Variants in TRIM24 observed in about 807,000 individuals in gnomAD.
TRIM24 encodes the protein transcription intermediary factor 1-alpha.
TRIM24 carries 29 observed loss-of-function variants against 123.9 expected under a neutral mutation model. That is an observed-to-expected ratio of 0.23 (90% CI 0.17 to 0.32). The LOEUF is 0.32. Ranked by LOEUF, TRIM24 falls within the 10% of genes least tolerant of loss-of-function variation. TRIM24 has a pLI of 1.00. For missense variants in TRIM24, 932 were observed against 1,295.3 expected (o/e 0.72, Z 4.31); for synonymous variants, 456 against 461.1 (o/e 0.99, Z 0.14).
intron 1 of TRIM24, among the ~76,000 whole-genome samples, chr7:138,489,783 G>A (rs190127267): frequency 3.3e-5 from 5 of 152,142 alleles, no homozygotes; most frequent in African/African-American, 1.2e-4. Flanking sequence ...CGCGCTTAAC[G>A]TTTTTTCCTT....
chr7:138,544,493 T>C (rs1243653384), intron 7 of TRIM24, among the ~76,000 whole-genome samples: 2 of 152,104 alleles, frequency 1.3e-5, no homozygotes, highest in East Asian at 3.9e-4. Flanking sequence ...TAGATATCTC[T>C]ACAAGGTCCT....
At chr7:138,550,973 A>G (rs1797198425) in intron 7 of TRIM24, 90 bp from the exon 8 acceptor site, 1 of 971,106 alleles carries the variant, frequency 1.0e-6, no homozygotes, top group Non-Finnish European at 1.6e-6. Flanking sequence ...TTGTGTATTG[A>G]TGTACATACC....
rs1167219375 is a variant in TRIM24, at chr7:138,567,570, T to C, written c.1620T>C (p.Tyr540=). Reference sequence around the variant, plus strand: ...CTCCTCATCCTCAACAACTGAGATATCCACCAAACCAGAACATACCACGAC... The same window carrying C: ...CTCCTCATCCTCAACAACTGAGATACCCACCAAACCAGAACATACCACGAC... ...VLPPHPQQLR[Y]PPNQNIPRQA... is the part of the protein sequence containing the mutation. Residue 540 remains tyrosine, a synonymous_variant, in exon 10 of 19, where the codon TAT becomes TAC. Coordinates refer to ENST00000343526, the MANE Select transcript of TRIM24 (RefSeq NM_015905.3). 1.2e-6 allele frequency: 2 copies of C among 1,613,978 alleles called. No homozygotes were observed. The highest frequency in any genetic ancestry group is 1.7e-5 in the Admixed American group (1 of 60,010).
chr7:138,519,087 A>G (rs1434548479), intron 3 of TRIM24, 102 bp from the exon 4 acceptor site: 1 of 1,337,542 alleles, frequency 7.5e-7, no homozygotes, highest in South Asian at 1.3e-5. Flanking sequence ...GTGAAGCTGT[A>G]GTGTTTATAT....
At chr7:138,510,584 GC>G (rs1796266340) in intron 2 of TRIM24, among the ~76,000 whole-genome samples, 1 of 152,006 alleles carries the variant, frequency 6.6e-6, no homozygotes, top group Non-Finnish European at 1.5e-5. Flanking sequence ...GCCACATCTG[GC>G]TAATTTTTTG....
intron 3 of TRIM24, among the ~76,000 whole-genome samples, chr7:138,516,285 G>C (rs1189824129): frequency 2.0e-5 from 3 of 152,196 alleles, no homozygotes; most frequent in African/African-American, 7.2e-5. Flanking sequence ...CTGTGTGACA[G>C]AGCGAGACTC....
chr7:138,518,728 C>T (rs1399491258), intron 3 of TRIM24, among the ~76,000 whole-genome samples: 1 of 152,076 alleles, frequency 6.6e-6, no homozygotes, highest in Admixed American at 6.6e-5. Flanking sequence ...ACTCTTGGTG[C>T]TCAAGCAAGC....
Position 138,586,691 on chromosome 7 carries a change from C to T in TRIM24, c.*1740C>T, listed in dbSNP as rs1431198279. The stretch of plus-strand genomic sequence containing the variant: ...CAGATTTTGATAACAGTGCATACAC[C>T]TTTTGTCTTTTTTTGCTCCAGCATT... On this transcript the variant is annotated 3_prime_UTR_variant, in exon 19 of 19. Coordinates refer to ENST00000343526, the MANE Select transcript of TRIM24 (RefSeq NM_015905.3). 6.6e-6 allele frequency: 1 copy of T among 152,140 alleles called. No individual in the cohort carries two copies. The highest frequency in any genetic ancestry group is 1.5e-5 in the Non-Finnish European group (1 of 68,012). 9.4% of individuals were successfully genotyped at this position (152,140 alleles called of 1,614,324 possible). A position where few individuals can be genotyped will look rare whatever the true frequency, so the allele number is the denominator to read the frequency against.
At chr7:138,500,967 TA>T (rs57771728) in intron 1 of TRIM24, among the ~76,000 whole-genome samples, 68,202 of 147,442 alleles carry the variant, frequency 0.46, 16,202 homozygotes, top group African/African-American at 0.52. Flanking sequence ...GTGTAAAAGA[TA>T]AAAAAAAAAA....
chr7:138,468,266 G>T (rs1795194943), intron 1 of TRIM24, among the ~76,000 whole-genome samples: 1 of 152,126 alleles, frequency 6.6e-6, no homozygotes, highest in African/African-American at 2.4e-5. Flanking sequence ...CATGCAATTT[G>T]TCTCCTTTTT....
In TRIM24 at chr7:138,566,805, A is replaced by T. The variant is rs995529640; in HGVS notation, c.1531-676A>T. Among the ~76,000 whole-genome samples the T allele has an allele frequency of 8.5e-5, 13 of 152,230 alleles. No homozygotes were observed. In the East Asian group the frequency reaches 2.5e-3, roughly 29 times the overall value. ...CAGGGCTCAATAAGATCTAAAACTT[A>T]CTAAGTGTTACTAATATCAACTATT... On this transcript the variant is annotated intron_variant, in intron 9 of 18. Coordinates refer to ENST00000343526, the MANE Select transcript of TRIM24 (RefSeq NM_015905.3).
chr7:138,565,097 G>T (rs1342414721), intron 9 of TRIM24, among the ~76,000 whole-genome samples: 1 of 152,066 alleles, frequency 6.6e-6, no homozygotes, highest in Non-Finnish European at 1.5e-5. Context: ...AGAGTGTATG[G>T]TCTACGCTAA....
At chr7:138,493,267 T>A (rs1795834547) in intron 1 of TRIM24, among the ~76,000 whole-genome samples, 1 of 152,220 alleles carries the variant, frequency 6.6e-6, no homozygotes, top group Admixed American at 6.5e-5. Context: ...GTGAAATTAT[T>A]TTTTTCCTAT....
chr7:138,577,311 T>C, intron 13 of TRIM24, 109 bp from the exon 14 acceptor site: 1 of 838,434 alleles, frequency 1.2e-6, no homozygotes, highest in Admixed American at 3.2e-5. Flanking sequence ...GATGTTAACA[T>C]ACTTATTGTT....
intron 1 of TRIM24, among the ~76,000 whole-genome samples, chr7:138,488,981 C>CT (rs1795717981): frequency 1.3e-5 from 2 of 152,276 alleles, no homozygotes; most frequent in South Asian, 4.1e-4. Flanking sequence ...GTGTGGGAGT[C>CT]TAAGTCTCTT....
chr7:138,502,633 CACTT>C (rs1796066455), intron 1 of TRIM24, among the ~76,000 whole-genome samples: 1 of 152,164 alleles, frequency 6.6e-6, no homozygotes, highest in African/African-American at 2.4e-5. Flanking sequence ...TTGGGGGTAA[CACTT>C]AATGTTTTAT....
Position 138,460,700 on chromosome 7 carries a change from A to G in TRIM24, c.152A>G (p.Asn51Ser), listed in dbSNP as rs749300058. The G allele has an allele frequency of 1.9e-6, 3 of 1,555,908 alleles. No homozygotes were observed. The highest frequency in any genetic ancestry group is 1.9e-5 in the Admixed American group (1 of 52,914). Reference protein sequence around the residue: ...SERGGEAARLNLLDTCAVCHQ... With the variant: ...SERGGEAARLSLLDTCAVCHQ... Reference sequence around the variant, plus strand: ...CGCGGCGGCGAGGCGGCCCGGCTCAACCTGTTGGACACTTGCGCCGTGTGC... The same window carrying G: ...CGCGGCGGCGAGGCGGCCCGGCTCAGCCTGTTGGACACTTGCGCCGTGTGC... Residue 51 changes from asparagine to serine, a missense_variant, in exon 1 of 19, where the codon AAC (asparagine) becomes AGC (serine). This residue lies in a region of TRIM24 where 164 missense variants were observed against 181.9 expected (regional missense o/e 0.90). Coordinates refer to ENST00000343526, the MANE Select transcript of TRIM24 (RefSeq NM_015905.3).
intron 1 of TRIM24, among the ~76,000 whole-genome samples, chr7:138,474,230 A>G (rs1287559725): frequency 6.8e-6 from 1 of 147,442 alleles, no homozygotes; most frequent in Non-Finnish European, 1.5e-5. Flanking sequence ...GGTTCACGCC[A>G]TTCTCCTGCC....
At chr7:138,485,558 G>T (rs1471484522) in intron 1 of TRIM24, among the ~76,000 whole-genome samples, 1 of 152,052 alleles carries the variant, frequency 6.6e-6, no homozygotes, top group Non-Finnish European at 1.5e-5. Context: ...CTGTGTCCAA[G>T]TGTTCTCATT....
Sources: gnomAD v4.1 joint callset for allele counts (sites outside exome capture counted in the v4.1 genomes callset) on GRCh38, gnomAD v4.1.1 for gene constraint, gnomAD v4.1.1 regional missense constraint, MANE v1.5 for transcripts, NCBI Gene and HGNC (gene_info 2026-07-23, HGNC 2026-07-21) for gene names.